Variants in CGA observed in about 807,000 individuals in gnomAD.
CGA encodes glycoprotein hormones alpha chain.
A neutral mutation model predicts 12.0 loss-of-function variants in CGA; 4 were observed. That is an observed-to-expected ratio of 0.33 (90% CI 0.16 to 0.76). CGA has a LOEUF of 0.76. Among genes scored for constraint, CGA ranks in the 30% least tolerant of loss-of-function variants. The pLI, the probability that CGA is intolerant of heterozygous loss-of-function variation, is 0.60. For missense variants in CGA, 102 were observed against 143.5 expected, an observed-to-expected ratio of 0.71 and a Z score of 1.48; for synonymous variants, 60 against 56.6, an observed-to-expected ratio of 1.06 and a Z score of -0.27.
chr6:87,090,047 A>G (rs929945484), intron 1 of CGA, among the ~76,000 whole-genome samples: 7 of 152,196 alleles, frequency 4.6e-5, no homozygotes, highest in African/African-American at 1.7e-4. Flanking sequence ...GATAAAGGAT[A>G]CTCAACCTGT....
Position 87,088,224 on chromosome 6 carries a change from C to CAAAAAAA in CGA, c.-7-24_-7-18dup, listed in dbSNP as rs71553498. 1.1e-5 allele frequency: 5 copies of CAAAAAAA among 436,892 alleles called. No individual in the cohort carries two copies. In the African/African-American group the frequency reaches 2.5e-4, roughly 22 times the overall value. The allele number at this position is 436,892 out of a possible 1,614,324, so 27.1% of individuals were successfully genotyped here. A position where few individuals can be genotyped will look rare whatever the true frequency, so the allele number is the denominator to read the frequency against. On this transcript the variant is annotated splice_polypyrimidine_tract_variant and intron_variant, in intron 1 of 3. Coordinates refer to ENST00000627148, the MANE Select transcript of CGA (RefSeq NM_000735.4). The stretch of plus-strand genomic sequence containing the variant: ...ATGGCGCTCCTGCAGACAGACATGG[C>CAAAAAAA]AAAAAAAAAAAAACAAAAAACAGTT...
At chr6:87,090,380 A>T (rs1769408633) in intron 1 of CGA, among the ~76,000 whole-genome samples, 1 of 152,180 alleles carries the variant, frequency 6.6e-6, no homozygotes, top group Non-Finnish European at 1.5e-5. Flanking sequence ...AGATTGAATG[A>T]AAAAGCACAT....
chr6:87,085,779 T>A lies in CGA; in HGVS notation c.328A>T (p.Thr110Ser), dbSNP rs201187778. The A allele has an allele frequency of 3.7e-6, 6 of 1,612,266 alleles. No individual in the cohort carries two copies. The highest frequency in any genetic ancestry group is 5.1e-6 in the Non-Finnish European group (6 of 1,178,544). ...ATTTAAGATTTGTGATAATAACAAG[T>A]ACTGCAGTGGCACGCCGTGTGGTTC... ...VENHTACHCS[T>S]CYYHKS is the part of the protein sequence containing the mutation. Residue 110 changes from threonine (T) to serine (S), a missense_variant, in exon 4 of 4, where the codon ACT (threonine) becomes TCT (serine). By Grantham distance (58) the Thr-to-Ser change is moderately conservative. Transcript: ENST00000627148.
At chr6:87,088,383 A>G (rs1308420312) in intron 1 of CGA, among the ~76,000 whole-genome samples, 176 bp from the exon 2 acceptor site, 1 of 152,120 alleles carries the variant, frequency 6.6e-6, no homozygotes, top group Non-Finnish European at 1.5e-5. Flanking sequence ...TTTTTTAAAA[A>G]AAGTTCTCCT....
chr6:87,087,306 A>G (rs1459522269), intron 2 of CGA, among the ~76,000 whole-genome samples: 1 of 152,228 alleles, frequency 6.6e-6, no homozygotes, highest in Non-Finnish European at 1.5e-5. Context: ...ACAGATATGC[A>G]TAGAAAATCT....
intron 1 of CGA, among the ~76,000 whole-genome samples, chr6:87,093,611 T>C (rs1220639815): frequency 6.6e-6 from 1 of 152,236 alleles, no homozygotes; most frequent in African/African-American, 2.4e-5. Context: ...AGTTCACTCC[T>C]GTAAATTTTC....
chr6:87,088,255 A>G (rs779546201), intron 1 of CGA, 48 bp from the exon 2 acceptor site: 1 of 1,246,978 alleles, frequency 8.0e-7, no homozygotes, highest in African/African-American at 1.5e-5. Flanking sequence ...CAGTTAATCT[A>G]AAATTGGCTT....
chr6:87,091,408 G>T (rs370431606), intron 1 of CGA, among the ~76,000 whole-genome samples: 1 of 152,154 alleles, frequency 6.6e-6, no homozygotes, highest in South Asian at 2.1e-4. Flanking sequence ...TCACCCTCAG[G>T]TTTTTCTGTT....
intron 3 of CGA, 144 bp downstream of exon 3, chr6:87,086,106 G>A: frequency 2.7e-6 from 2 of 736,392 alleles, no homozygotes; most frequent in South Asian, 1.8e-5. Context: ...TAATTAATGG[G>A]TAGAAATGTA....
intron 1 of CGA, among the ~76,000 whole-genome samples, chr6:87,093,244 G>A (rs1769473727): frequency 6.6e-6 from 1 of 152,192 alleles, no homozygotes; most frequent in Admixed American, 6.5e-5. Flanking sequence ...TAGCCTAGAA[G>A]TATACCATTA....
At chr6:87,093,064 C>T (rs1769470528) in intron 1 of CGA, among the ~76,000 whole-genome samples, 1 of 152,238 alleles carries the variant, frequency 6.6e-6, no homozygotes, top group Non-Finnish European at 1.5e-5. Flanking sequence ...CAGGCGTGAG[C>T]CCCCGTGCCC....
At chr6:87,086,106 G>T in intron 3 of CGA, 144 bp downstream of exon 3, 1 of 736,392 alleles carries the variant, frequency 1.4e-6, no homozygotes, top group African/African-American at 1.8e-5. Flanking sequence ...TAATTAATGG[G>T]TAGAAATGTA....
intron 1 of CGA, among the ~76,000 whole-genome samples, chr6:87,092,011 A>C (rs1341322020): frequency 1.3e-5 from 2 of 152,224 alleles, no homozygotes; most frequent in Admixed American, 6.5e-5. Flanking sequence ...ACTCCGTCTC[A>C]AAAAGAAAGA....
In CGA at chr6:87,086,436, T is replaced by C; in HGVS notation, c.89-2A>G. On this transcript the variant is annotated splice_acceptor_variant, in intron 2 of 3. Transcript: ENST00000627148. LOFTEE classifies it high-confidence loss of function. ...CCTGTAGCGTGCATTCTGGGCAATC[T>C]ATCAGGGAAAAAAAAAGGCAGAGTA... 6.3e-7 allele frequency: 1 copy of C among 1,576,282 alleles called. No homozygotes were observed. Among genetic ancestry groups the C allele is most frequent in the Non-Finnish European group, 8.6e-7 (1 of 1,166,888 alleles).
intron 1 of CGA, among the ~76,000 whole-genome samples, chr6:87,092,326 C>G (rs1409756584): frequency 2.6e-5 from 4 of 152,082 alleles, no homozygotes; most frequent in African/African-American, 9.7e-5. Context: ...CTGCTTAGAT[C>G]AGGAATATAG....
At chr6:87,088,286 G>C in intron 1 of CGA, 79 bp from the exon 2 acceptor site, 1 of 766,732 alleles carries the variant, frequency 1.3e-6, no homozygotes, top group Non-Finnish European at 2.1e-6. Flanking sequence ...ACAACAACCA[G>C]TAGTTTCAAC....
intron 1 of CGA, among the ~76,000 whole-genome samples, chr6:87,090,323 T>C (rs1213663626): frequency 1.3e-5 from 2 of 152,134 alleles, no homozygotes; most frequent in Non-Finnish European, 2.9e-5. Context: ...TCCTCTTGGG[T>C]GTTCAGAGAA....
chr6:87,088,193 T>C lies in CGA; in HGVS notation c.8A>G (p.Tyr3Cys), dbSNP rs766598729. The change falls in exon 2 of 4, where the codon TAC becomes TGC. Residue 3 changes from tyrosine to cysteine, a missense_variant. Transcript: ENST00000627148. The stretch of plus-strand genomic sequence containing the variant: ...AAAGATAGCTGCATATTTTCTGTAG[T>C]AATCCATGGCGCTCCTGCAGACAGA... MD[Y>C]YRKYAAIFLV... 1.5e-5 allele frequency: 24 copies of C among 1,559,144 alleles called. No homozygotes were observed. The African/African-American group carries it at 3.5e-4, about 23-fold the overall frequency.
At chr6:87,092,732 C>T (rs2127755596) in intron 1 of CGA, among the ~76,000 whole-genome samples, 1 of 146,094 alleles carries the variant, frequency 6.8e-6, no homozygotes, top group African/African-American at 2.5e-5. Flanking sequence ...GGGGAAAAAG[C>T]ATTAGCTTTC....
Sources: allele counts gnomAD v4.1 joint callset (sites outside exome capture counted in the v4.1 genomes callset), GRCh38; gene constraint gnomAD v4.1.1; transcripts MANE v1.5; gene names NCBI Gene and HGNC (gene_info 2026-07-23, HGNC 2026-07-21).